Variants in LIMA1 observed in about 807,000 individuals in gnomAD.
LIMA1 encodes LIM domain and actin-binding protein 1.
In LIMA1, 52 loss-of-function variants were observed where a neutral mutation model predicts 62.6. That is an observed-to-expected ratio of 0.83 (90% confidence interval 0.67 to 1.05). LIMA1 has a LOEUF of 1.05. Ranked by LOEUF, LIMA1 falls within the 50% of genes least tolerant of loss-of-function variation. The pLI, the probability that LIMA1 is intolerant of heterozygous loss-of-function variation, is 0.00. For missense variants in LIMA1, 780 were observed against 902.2 expected, an observed-to-expected ratio of 0.86 and a Z score of 1.74; for synonymous variants, 302 against 317.8, an observed-to-expected ratio of 0.95 and a Z score of 0.53.
chr12:50,207,041 C>T (rs1026157351), intron 4 of LIMA1, among the ~76,000 whole-genome samples: 2 of 152,120 alleles, frequency 1.3e-5, no homozygotes, highest in Non-Finnish European at 2.9e-5. Flanking sequence ...TCTCCTGCCT[C>T]AGCCTCCTGA....
intron 4 of LIMA1, chr12:50,217,521 A>AT (rs1418017141): frequency 6.6e-6 from 1 of 151,228 alleles, no homozygotes; most frequent in East Asian, 2.0e-4. Context: ...TACAATTGCA[A>AT]TTTTTTTATT....
chr12:50,182,766 A>G (rs143090779), intron 9 of LIMA1, among the ~76,000 whole-genome samples: 2 of 152,366 alleles, frequency 1.3e-5, no homozygotes, highest in Non-Finnish European at 2.9e-5. Context: ...CTGGGAATTC[A>G]TGAACTGTTT....
At position 50,214,051 on chromosome 12, in the gene LIMA1, C is replaced by CACACAT. The variant is rs55904917; in HGVS notation, c.630+7969_630+7970insATGTGT. On this transcript the variant is annotated intron_variant, in intron 4 of 10. Coordinates refer to ENST00000341247, the MANE Select transcript of LIMA1 (RefSeq NM_016357.5). ...ACACACACACACACACACACACACA[C>CACACAT]GAGATTACTCAGAGTTATTAAGAGT... 2.2e-4 allele frequency among the ~76,000 whole-genome samples: 33 copies of CACACAT among 149,976 alleles called. 1 individual carries two copies. The South Asian group carries it at 6.0e-3, about 27-fold the overall frequency.
At chr12:50,183,879 C>G (rs1050920830) in intron 9 of LIMA1, among the ~76,000 whole-genome samples, 5 of 150,290 alleles carry the variant, frequency 3.3e-5, no homozygotes, top group Non-Finnish European at 5.9e-5. Context: ...GTTCACTTGC[C>G]ACATGATTCA....
chr12:50,208,494 C>T (rs114276475), intron 4 of LIMA1, among the ~76,000 whole-genome samples: 1 of 150,788 alleles, frequency 6.6e-6, no homozygotes, highest in Non-Finnish European at 1.5e-5. Context: ...TCAAAAAAAA[C>T]CAAAAGTTAG....
intron 4 of LIMA1, among the ~76,000 whole-genome samples, chr12:50,220,353 C>A (rs1038330084): frequency 6.6e-6 from 1 of 152,168 alleles, no homozygotes; most frequent in Non-Finnish European, 1.5e-5. Flanking sequence ...AGCCACCACG[C>A]CCGGACTAGT....
At chr12:50,216,207 C>G (rs190997524) in intron 4 of LIMA1, among the ~76,000 whole-genome samples, 32 of 152,174 alleles carry the variant, frequency 2.1e-4, no homozygotes, top group Admixed American at 1.4e-3. Context: ...TAAGTGTCAC[C>G]GTGGCATTTC....
chr12:50,193,668 T>A (rs11169311), intron 8 of LIMA1, among the ~76,000 whole-genome samples: 18,176 of 78,128 alleles, frequency 0.23, 1,681 homozygotes, highest in East Asian at 0.55. Context: ...ATATATATAT[T>A]TTTTTTTTTT....
chr12:50,245,593 T>A (rs970891696), intron 2 of LIMA1, among the ~76,000 whole-genome samples: 4 of 151,722 alleles, frequency 2.6e-5, no homozygotes, highest in African/African-American at 7.3e-5. Context: ...CTATCACTTT[T>A]TTTTTTCTTT....
intron 9 of LIMA1, among the ~76,000 whole-genome samples, chr12:50,190,608 G>T (rs1237970497): frequency 7.2e-6 from 1 of 138,460 alleles, no homozygotes; most frequent in African/African-American, 2.7e-5. Flanking sequence ...TTGAACTCCC[G>T]ACCTCAGGTG....
rs957419558 is a variant in LIMA1 at position 50,228,042 on chromosome 12, T to G, written c.165+3623A>C. ...GCCCGGCTAATTTTTGTATTTTTAG[T>G]AGAGACGGGGTTTCACCGTGTTAGC... On this transcript the variant is annotated intron_variant, in intron 3 of 10. Transcript: ENST00000341247. Among the ~76,000 whole-genome samples the G allele has an allele frequency of 2.0e-5, 3 of 151,964 alleles. No homozygotes were observed. The East Asian group carries it at 5.8e-4, about 29-fold the overall frequency.
Position 50,177,870 on chromosome 12 carries a change from C to G in LIMA1, c.1474G>C (p.Gly492Arg). 3 of 1,613,294 alleles carry G rather than the reference C, an allele frequency of 1.9e-6. No individual in the cohort carries two copies. The highest frequency in any genetic ancestry group is 1.1e-5 in the South Asian group (1 of 90,932). ...ANARETPHSP[G>R]VEDAPIAKVG... ...TTAGCAATAGGGGCATCTTCTACCC[C>G]TGGGCTGTGAGGGGTCTCCCTTGCA... Residue 492 changes from glycine to arginine, a missense_variant, in exon 11 of 11, where the codon GGG becomes CGG. Transcript: ENST00000341247.
chr12:50,256,937 G>T (rs1297387974), intron 1 of LIMA1, among the ~76,000 whole-genome samples: 1 of 152,210 alleles, frequency 6.6e-6, no homozygotes, highest in Admixed American at 6.5e-5. Flanking sequence ...ACGTGATGTT[G>T]ATGTGATGTC....
chr12:50,183,124 C>A (rs1019633286), intron 9 of LIMA1, among the ~76,000 whole-genome samples: 2 of 152,098 alleles, frequency 1.3e-5, no homozygotes, highest in African/African-American at 4.8e-5. Context: ...ATGGCGTGAA[C>A]CCGGGAGGCA....
chr12:50,205,924 G>T, intron 5 of LIMA1, 60 bp downstream of exon 5: 1 of 1,234,036 alleles, frequency 8.1e-7, no homozygotes, highest in Non-Finnish European at 1.1e-6. Context: ...GAGTCCAAAA[G>T]ATGTTACTAC....
intron 1 of LIMA1, among the ~76,000 whole-genome samples, chr12:50,278,925 C>A (rs533564032): frequency 5.3e-5 from 8 of 152,048 alleles, no homozygotes; most frequent in African/African-American, 1.9e-4. Flanking sequence ...AATGATAGAT[C>A]TCTCTGGAAC....
intron 3 of LIMA1, among the ~76,000 whole-genome samples, chr12:50,226,617 G>T (rs1592536133): frequency 6.6e-6 from 1 of 152,212 alleles, no homozygotes; most frequent in Admixed American, 6.5e-5. Context: ...GAGGCGGGCG[G>T]ATCACAAGGT....
intron 7 of LIMA1, among the ~76,000 whole-genome samples, chr12:50,198,123 A>C (rs2138455868): frequency 6.6e-6 from 1 of 152,338 alleles, no homozygotes; most frequent in Admixed American, 6.5e-5. Flanking sequence ...CTTTGAATCA[A>C]ATTTTGTAGC....
Position 50,195,842 on chromosome 12 carries a change from C to T in LIMA1, c.1018G>A (p.Glu340Lys), listed in dbSNP as rs781719966. The T allele has an allele frequency of 2.4e-5, 37 of 1,562,218 alleles. No individual in the cohort carries two copies. The East Asian group carries it at 2.6e-4, about 11-fold the overall frequency. ...NSLAVRSTPA[E>K]DDSRDSQVKS... ...AAAGAATGCTTACGGGAGTCATCTT[C>T]GGCAGGGGTGGAACGGACTGCCAGG... Residue 340 changes from glutamate to lysine, a missense_variant, in exon 8 of 11, where the codon GAA becomes AAA. By Grantham distance (56) the Glu-to-Lys change is moderately conservative (BLOSUM62 1). Coordinates refer to ENST00000341247, the MANE Select transcript of LIMA1 (RefSeq NM_016357.5).
Sources: gnomAD v4.1 joint callset for allele counts (sites outside exome capture counted in the v4.1 genomes callset) on GRCh38, gnomAD v4.1.1 for gene constraint, MANE v1.5 for transcripts, NCBI Gene and HGNC (gene_info 2026-07-23, HGNC 2026-07-21) for gene names.